ADGRL3: variants seen among roughly 807,000 people sequenced by gnomAD.
ADGRL3 encodes the protein calcium-independent alpha-latrotoxin receptor 3.
In ADGRL3, 62 loss-of-function variants were observed where a neutral mutation model predicts 153.5. The observed-to-expected ratio is 0.40, with a 90% CI of 0.33 to 0.50. The LOEUF is 0.50. Among genes scored for constraint, ADGRL3 ranks in the 20% least tolerant of loss-of-function variants. The pLI is 0.47. For synonymous variants in ADGRL3, 710 were observed against 672.5 expected, an observed-to-expected ratio of 1.06 and a Z score of -0.86; for missense variants, 1,641 against 1,859.4, an observed-to-expected ratio of 0.88 and a Z score of 2.16.
intron 5 of ADGRL3, among the ~76,000 whole-genome samples, chr4:61,614,014 T>G (rs2091704435): frequency 6.6e-6 from 1 of 152,182 alleles, no homozygotes; most frequent in Admixed American, 6.5e-5. Context: ...GAATAATGAA[T>G]TTATTTCTCC....
chr4:61,805,378 A>C (rs1297513755), intron 8 of ADGRL3, among the ~76,000 whole-genome samples: 1 of 152,178 alleles, frequency 6.6e-6, no homozygotes. Flanking sequence ...GATTTAAAGC[A>C]GAACTTTAAA....
intron 8 of ADGRL3, among the ~76,000 whole-genome samples, chr4:61,745,995 A>T (rs2096654051): frequency 6.6e-6 from 1 of 152,246 alleles, no homozygotes. Flanking sequence ...AAAGCTCAAA[A>T]TAAAAGGATG....
chr4:61,974,060 C>T (rs753986590), intron 17 of ADGRL3, among the ~76,000 whole-genome samples: 8 of 152,040 alleles, frequency 5.3e-5, no homozygotes, highest in Non-Finnish European at 7.4e-5. Flanking sequence ...CTCCACCTCC[C>T]GGGCTCAAGC....
At chr4:61,801,179 A>G (rs1410012694) in intron 8 of ADGRL3, among the ~76,000 whole-genome samples, 1 of 152,132 alleles carries the variant, frequency 6.6e-6, no homozygotes, top group Non-Finnish European at 1.5e-5. Flanking sequence ...TTTCTTAGAA[A>G]TAAGGTTAGT....
chr4:61,615,404 G>T (rs1216270179), intron 5 of ADGRL3, among the ~76,000 whole-genome samples: 1 of 151,814 alleles, frequency 6.6e-6, no homozygotes, highest in East Asian at 1.9e-4. Flanking sequence ...CCGGTAAAAG[G>T]GTCTGTGAGA....
intron 1 of ADGRL3, among the ~76,000 whole-genome samples, chr4:61,327,998 A>G (rs2095498086): frequency 6.6e-6 from 1 of 152,160 alleles, no homozygotes; most frequent in Non-Finnish European, 1.5e-5. Flanking sequence ...ATTCAGTAAA[A>G]TGGTAGTGTG....
At chr4:61,573,496 AT>A (rs1294734085) in intron 4 of ADGRL3, among the ~76,000 whole-genome samples, 5 of 151,920 alleles carry the variant, frequency 3.3e-5, no homozygotes, top group Admixed American at 3.3e-4. Context: ...CTAATTTCTA[AT>A]TCTTCCCCCT....
chr4:61,280,999 A>C (rs1024647537), intron 1 of ADGRL3, among the ~76,000 whole-genome samples: 1 of 152,056 alleles, frequency 6.6e-6, no homozygotes, highest in Non-Finnish European at 1.5e-5. Context: ...AAAGCTCTGG[A>C]ATATTATGCA....
At chr4:61,659,387 G>A (rs2094528975) in intron 5 of ADGRL3, among the ~76,000 whole-genome samples, 1 of 152,176 alleles carries the variant, frequency 6.6e-6, no homozygotes, top group Admixed American at 6.5e-5. Flanking sequence ...AACCTGTCCA[G>A]ATGCCTGTCC....
At chr4:61,393,615 A>G (rs1223824859) in intron 2 of ADGRL3, among the ~76,000 whole-genome samples, 1 of 151,890 alleles carries the variant, frequency 6.6e-6, no homozygotes, top group Non-Finnish European at 1.5e-5. Context: ...CATTTTTTTC[A>G]GGGTGAATAT....
intron 17 of ADGRL3, among the ~76,000 whole-genome samples, chr4:61,974,021 G>A (rs1046045264): frequency 1.3e-5 from 2 of 152,118 alleles, no homozygotes; most frequent in Admixed American, 6.6e-5. Context: ...AGGTTGGAGT[G>A]CAGTGGCGTG....
At chr4:62,031,312 C>A in intron 22 of ADGRL3, 130 bp from the exon 23 acceptor site, 2 of 670,344 alleles carry the variant, frequency 3.0e-6, no homozygotes, top group Non-Finnish European at 4.8e-6. Flanking sequence ...GTACTTACAC[C>A]ACCTGTCTTA....
chr4:61,381,404 T>A (rs1206243831), intron 1 of ADGRL3, among the ~76,000 whole-genome samples: 1 of 151,412 alleles, frequency 6.6e-6, no homozygotes, highest in East Asian at 2.0e-4. Flanking sequence ...GTTTGGTTCC[T>A]TAGAGAGGGG....
intron 8 of ADGRL3, among the ~76,000 whole-genome samples, chr4:61,738,738 A>G (rs1347009611): frequency 1.3e-5 from 2 of 152,192 alleles, no homozygotes; most frequent in African/African-American, 4.8e-5. Context: ...TATGACATGT[A>G]TGTTTGCATT....
intron 17 of ADGRL3, among the ~76,000 whole-genome samples, chr4:61,959,651 A>G (rs917555104): frequency 6.6e-6 from 1 of 152,170 alleles, no homozygotes; most frequent in Non-Finnish European, 1.5e-5. Flanking sequence ...CTAGAAGAAA[A>G]CACTAGGTAG....
chr4:61,962,769 A>C (rs1482756401), intron 17 of ADGRL3, among the ~76,000 whole-genome samples: 1 of 152,178 alleles, frequency 6.6e-6, no homozygotes, highest in Non-Finnish European at 1.5e-5. Context: ...TTTTGTAATT[A>C]AGAGGAATCT....
intron 4 of ADGRL3, among the ~76,000 whole-genome samples, chr4:61,521,616 G>GTGAT (rs1351358072): frequency 6.6e-6 from 1 of 152,130 alleles, no homozygotes; most frequent in East Asian, 1.9e-4. Context: ...CAAGGAGTGA[G>GTGAT]TGATAGTAGT....
At chr4:61,345,141 A>G (rs535160717) in intron 1 of ADGRL3, among the ~76,000 whole-genome samples, 219 of 152,130 alleles carry the variant, frequency 1.4e-3, no homozygotes, top group African/African-American at 4.8e-3. Flanking sequence ...GACCTTTAAA[A>G]AATATAGTAT....
intron 5 of ADGRL3, among the ~76,000 whole-genome samples, chr4:61,668,160 T>A (rs1238557415): frequency 6.6e-6 from 1 of 152,214 alleles, no homozygotes; most frequent in African/African-American, 2.4e-5. Context: ...ATCACATTGG[T>A]CCTTTTAAGA....
Sources: gnomAD v4.1 joint callset for allele counts (sites outside exome capture counted in the v4.1 genomes callset) on GRCh38, gnomAD v4.1.1 for gene constraint, MANE v1.5 for transcripts, NCBI Gene and HGNC (gene_info 2026-07-23, HGNC 2026-07-21) for gene names.